Variants in KCND3 observed in about 807,000 individuals in gnomAD.
KCND3 encodes the protein potassium voltage-gated channel subfamily D member 3.
Under a neutral mutation model 51.1 loss-of-function variants are expected in KCND3, and 9 were observed. That is an observed-to-expected ratio of 0.18 (90% CI 0.11 to 0.31). The LOEUF (loss-of-function observed/expected upper bound fraction) is 0.31, where lower values mean the gene tolerates loss of function less well. KCND3 is among the 10% of genes least tolerant of loss of function. KCND3 has a pLI of 1.00. For synonymous variants in KCND3, 349 were observed against 368.0 expected (o/e 0.95, Z 0.59); for missense variants, 526 against 903.8 (o/e 0.58, Z 5.36).
chr1:111,955,839 G>A (rs985872697), intron 2 of KCND3, among the ~76,000 whole-genome samples: 5 of 152,184 alleles, frequency 3.3e-5, no homozygotes, highest in African/African-American at 1.2e-4. Flanking sequence ...CCTTAAGCAT[G>A]AGGACGCCAT....
chr1:111,843,818 C>A (rs984298206), intron 2 of KCND3, among the ~76,000 whole-genome samples: 2 of 152,148 alleles, frequency 1.3e-5, no homozygotes, highest in African/African-American at 4.8e-5. Context: ...ATACTGAAAA[C>A]CCAAGTGCTG....
chr1:111,936,750 T>C (rs1672241104), intron 2 of KCND3, among the ~76,000 whole-genome samples: 1 of 152,212 alleles, frequency 6.6e-6, no homozygotes, highest in Non-Finnish European at 1.5e-5. Flanking sequence ...GCCTCCTTCC[T>C]TTCCACCACA....
At chr1:111,891,007 C>T (rs1020604128) in intron 2 of KCND3, among the ~76,000 whole-genome samples, 1 of 152,176 alleles carries the variant, frequency 6.6e-6, no homozygotes, top group African/African-American at 2.4e-5. Flanking sequence ...GTGGCACTGA[C>T]AGGCTGCATG....
At chr1:111,859,879 G>A (rs1668255174) in intron 2 of KCND3, among the ~76,000 whole-genome samples, 1 of 152,240 alleles carries the variant, frequency 6.6e-6, no homozygotes, top group Non-Finnish European at 1.5e-5. Context: ...GATGAGATGA[G>A]GGTTTGGAGA....
intron 2 of KCND3, among the ~76,000 whole-genome samples, chr1:111,925,155 T>C (rs1464661736): frequency 1.3e-5 from 2 of 152,230 alleles, no homozygotes; most frequent in African/African-American, 4.8e-5. Context: ...AGGCTGCCCA[T>C]GGCCCTTGTT....
chr1:111,934,812 C>T (rs952984128), intron 2 of KCND3, among the ~76,000 whole-genome samples: 2 of 152,206 alleles, frequency 1.3e-5, no homozygotes, highest in Non-Finnish European at 1.5e-5. Flanking sequence ...GTGCTATAAA[C>T]TGCTTATACC....
chr1:111,905,282 G>C (rs923083089), intron 2 of KCND3, among the ~76,000 whole-genome samples: 1 of 152,174 alleles, frequency 6.6e-6, no homozygotes, highest in African/African-American at 2.4e-5. Context: ...AGGAGACACT[G>C]ATGGGAGACA....
chr1:111,977,678 C>T (rs964610688), intron 2 of KCND3, among the ~76,000 whole-genome samples: 3 of 152,194 alleles, frequency 2.0e-5, no homozygotes, highest in Admixed American at 6.5e-5. Context: ...CGGATGCTCG[C>T]TTGCAAGGCT....
At chr1:111,822,889 G>A (rs888560547) in intron 2 of KCND3, among the ~76,000 whole-genome samples, 14 of 152,200 alleles carry the variant, frequency 9.2e-5, no homozygotes, top group African/African-American at 2.9e-4. Flanking sequence ...AAGAACTCGT[G>A]CTAAGAACTT....
chr1:111,932,294 C>A (rs1672012520), intron 2 of KCND3, among the ~76,000 whole-genome samples: 1 of 152,342 alleles, frequency 6.6e-6, no homozygotes, highest in Middle Eastern at 3.4e-3. Flanking sequence ...TTGGGCACCA[C>A]TGGGGGCTTT....
At chr1:111,834,477 T>C (rs1666985247) in intron 2 of KCND3, among the ~76,000 whole-genome samples, 1 of 152,232 alleles carries the variant, frequency 6.6e-6, no homozygotes, top group African/African-American at 2.4e-5. Context: ...GTGTCTGCTC[T>C]CTGTACTTAC....
chr1:111,926,319 G>A (rs1024665631), intron 2 of KCND3, among the ~76,000 whole-genome samples: 6 of 152,202 alleles, frequency 3.9e-5, no homozygotes, highest in African/African-American at 9.7e-5. Flanking sequence ...TTCCTTGAGC[G>A]ATTATGTACT....
chr1:111,944,121 T>C (rs1263440592), intron 2 of KCND3, among the ~76,000 whole-genome samples: 2 of 152,110 alleles, frequency 1.3e-5, no homozygotes, highest in Non-Finnish European at 2.9e-5. Flanking sequence ...AAAAATCCAA[T>C]CAAGTGGCTG....
rs549044353 is a variant in KCND3 at position 111,872,606 on chromosome 1, T to TC, written c.1107-85501_1107-85500insG. On this transcript the variant is annotated intron_variant, in intron 2 of 7. Transcript: ENST00000302127. Reference sequence around the variant, plus strand: ...TCTTTTTTGGGGAGAAAGAGTGTTTTTTTATGGAAGGAGAGCAAAATTTTA... The same window carrying TC: ...TCTTTTTTGGGGAGAAAGAGTGTTTTCTTTATGGAAGGAGAGCAAAATTTTA... Among the ~76,000 whole-genome samples the TC allele has an allele frequency of 6.6e-5, 10 of 151,882 alleles. No homozygotes were observed. In the South Asian group the frequency reaches 2.1e-3, roughly 32 times the overall value.
intron 2 of KCND3, among the ~76,000 whole-genome samples, chr1:111,949,424 CAG>C (rs1672947044): frequency 6.6e-6 from 1 of 151,940 alleles, no homozygotes; most frequent in Non-Finnish European, 1.5e-5. Context: ...AGAAGACAGC[CAG>C]AGAGAACAGG....
chr1:111,811,261 G>T (rs1490576820), intron 2 of KCND3, among the ~76,000 whole-genome samples: 2 of 152,216 alleles, frequency 1.3e-5, no homozygotes, highest in Admixed American at 6.5e-5. Context: ...TGGGGCAACA[G>T]TGTGGCAGGT....
chr1:111,894,534 AT>A (rs796183989), intron 2 of KCND3, among the ~76,000 whole-genome samples: 15 of 152,238 alleles, frequency 9.9e-5, no homozygotes, highest in African/African-American at 3.6e-4. Flanking sequence ...ACTTGGTCTT[AT>A]TTTTGGCTCT....
chr1:111,971,004 A>G lies in KCND3; in HGVS notation c.1106+10617T>C, dbSNP rs371660074. On this transcript the variant is annotated intron_variant, in intron 2 of 7. Transcript: ENST00000302127. ...GCGGGTGCATCTGACATTTTTCTCC[A>G]AGGGAAAGGAAGGAGTAAATGAGAG... Among the ~76,000 whole-genome samples the G allele has an allele frequency of 3.9e-5, 6 of 152,232 alleles. No individual in the cohort carries two copies. In the East Asian group the frequency reaches 7.8e-4, roughly 20 times the overall value.
Position 111,918,202 on chromosome 1 carries a change from T to C in KCND3, c.1106+63419A>G, listed in dbSNP as rs994095658. Among the ~76,000 whole-genome samples the C allele has an allele frequency of 2.6e-5, 4 of 152,184 alleles. No individual in the cohort carries two copies. The East Asian group carries it at 7.7e-4, about 29-fold the overall frequency. On this transcript the variant is annotated intron_variant, in intron 2 of 7. Transcript: ENST00000302127. The stretch of plus-strand genomic sequence containing the variant: ...ATAAGTGTGCACAAGAAAACCACTT[T>C]GTAAACTGTAAAACAATGTACAAAC...
Sources: allele counts gnomAD v4.1 joint callset (sites outside exome capture counted in the v4.1 genomes callset), GRCh38; gene constraint gnomAD v4.1.1; transcripts MANE v1.5; gene names NCBI Gene and HGNC (gene_info 2026-07-23, HGNC 2026-07-21).